The following NKAIN3 variants were observed in gnomAD, a reference collection of about 807,000 sequenced individuals.
NKAIN3 encodes the protein sodium/potassium transporting ATPase interacting 3, also known as sodium/potassium-transporting ATPase subunit beta-1-interacting protein 3.
A neutral mutation model predicts 30.2 loss-of-function variants in NKAIN3; 25 were observed. That is an observed-to-expected ratio of 0.83 (90% CI 0.60 to 1.16). The LOEUF is 1.16. Among genes scored for constraint, NKAIN3 ranks in the 50% most tolerant of loss-of-function variants. The pLI, the probability that NKAIN3 is intolerant of heterozygous loss-of-function variation, is 0.00. For synonymous variants in NKAIN3, 91 were observed against 89.6 expected, an observed-to-expected ratio of 1.02 and a Z score of -0.09; for missense variants, 225 against 254.1, an observed-to-expected ratio of 0.89 and a Z score of 0.78.
Position 62,957,350 on chromosome 8 carries a change from G to C in NKAIN3, c.603+3378G>C, listed in dbSNP as rs565912977. 3.2e-4 allele frequency among the ~76,000 whole-genome samples: 49 copies of C among 152,290 alleles called. No homozygotes were observed. In the South Asian group the frequency reaches 9.3e-3, roughly 29 times the overall value. On this transcript the variant is annotated intron_variant, in intron 6 of 6. Transcript: ENST00000623646. ...GGGGTTTCACCGTGTTAGCCAGGTT[G>C]GTCTCGATCTCCTGACCTTGTGATC...
intron 4 of NKAIN3, among the ~76,000 whole-genome samples, chr8:62,772,020 C>G (rs987163593): frequency 6.6e-6 from 1 of 152,078 alleles, no homozygotes; most frequent in Non-Finnish European, 1.5e-5. Flanking sequence ...TCCTATCTAA[C>G]TATATTTTTG....
At chr8:62,270,725 A>G (rs78572331) in intron 1 of NKAIN3, among the ~76,000 whole-genome samples, 2,719 of 152,190 alleles carry the variant, frequency 0.018, 82 homozygotes, top group African/African-American at 0.062. Flanking sequence ...ACTCCTGCCA[A>G]TCTCCAACCC....
chr8:62,331,164 C>T (rs762842821), intron 1 of NKAIN3, among the ~76,000 whole-genome samples: 18 of 148,882 alleles, frequency 1.2e-4, no homozygotes, highest in Non-Finnish European at 2.4e-4. Flanking sequence ...TCCTCCCCCC[C>T]AAAGCCCTAT....
chr8:62,383,768 A>G (rs1328333651), intron 1 of NKAIN3, among the ~76,000 whole-genome samples: 1 of 152,130 alleles, frequency 6.6e-6, no homozygotes, highest in Non-Finnish European at 1.5e-5. Context: ...TCTTATAGCA[A>G]TCCTGCACCT....
chr8:62,582,482 G>A (rs781206637), intron 2 of NKAIN3, among the ~76,000 whole-genome samples: 2 of 152,070 alleles, frequency 1.3e-5, no homozygotes, highest in African/African-American at 2.4e-5. Flanking sequence ...GCCTGTAGCC[G>A]GGCAATGGGG....
At chr8:62,445,226 G>A (rs7007335) in intron 1 of NKAIN3, among the ~76,000 whole-genome samples, 15,778 of 152,022 alleles carry the variant, frequency 0.1, 1,158 homozygotes, top group African/African-American at 0.2. Flanking sequence ...TTACAGGCAT[G>A]AGCCACCACG....
At chr8:62,991,973 C>G (rs59449320) in intron 5 of NKAIN3, among the ~76,000 whole-genome samples, 16,236 of 150,408 alleles carry the variant, frequency 0.11, 993 homozygotes, top group South Asian at 0.17. Flanking sequence ...GGCCCATACC[C>G]AGCACTGCTC....
At chr8:62,885,650 T>C (rs1361247046) in intron 4 of NKAIN3, among the ~76,000 whole-genome samples, 2 of 152,190 alleles carry the variant, frequency 1.3e-5, no homozygotes, top group Admixed American at 6.5e-5. Flanking sequence ...GCCTCACATA[T>C]GTTGATGCTC....
In NKAIN3 at chr8:62,981,897, A is replaced by G. The variant is rs1263526931; in HGVS notation, c.*16490A>G. Reference sequence around the variant, plus strand: ...CTCTTTAACCCTTTGTTTAAATCCTATTAACTCTTAACGATACACAGTTCG... The same window carrying G: ...CTCTTTAACCCTTTGTTTAAATCCTGTTAACTCTTAACGATACACAGTTCG... On this transcript the variant is annotated 3_prime_UTR_variant, in exon 7 of 7. Coordinates refer to ENST00000623646, the MANE Select transcript of NKAIN3 (RefSeq NM_001304533.3). 1 of 152,170 alleles carries G rather than the reference A, an allele frequency of 6.6e-6. No individual in the cohort carries two copies. Among genetic ancestry groups the G allele is most frequent in the Non-Finnish European group, 1.5e-5 (1 of 68,008 alleles). 9.4% of individuals were successfully genotyped at this position (152,170 alleles called of 1,614,324 possible).
chr8:62,590,168 A>G (rs1810610224), intron 3 of NKAIN3, among the ~76,000 whole-genome samples: 2 of 151,870 alleles, frequency 1.3e-5, no homozygotes, highest in South Asian at 4.1e-4. Context: ...AGGAAAAGGG[A>G]TTGATGAAGA....
chr8:62,930,591 C>T (rs922805362), intron 5 of NKAIN3, among the ~76,000 whole-genome samples: 1 of 151,990 alleles, frequency 6.6e-6, no homozygotes, highest in Non-Finnish European at 1.5e-5. Context: ...TTTGTCTATT[C>T]TAATTACCTC....
chr8:62,391,873 A>G (rs1038243060), intron 1 of NKAIN3, among the ~76,000 whole-genome samples: 1 of 151,368 alleles, frequency 6.6e-6, no homozygotes, highest in African/African-American at 2.4e-5. Context: ...TATACAGAGC[A>G]TCAAAAATGT....
chr8:62,853,213 C>T (rs146039999), intron 4 of NKAIN3, among the ~76,000 whole-genome samples: 3,957 of 152,190 alleles, frequency 0.026, 164 homozygotes, highest in African/African-American at 0.09. Flanking sequence ...ATGTAATGGC[C>T]TTCTTTGTCT....
At chr8:62,499,225 G>T (rs938618004) in intron 1 of NKAIN3, among the ~76,000 whole-genome samples, 2 of 152,140 alleles carry the variant, frequency 1.3e-5, no homozygotes, top group Non-Finnish European at 2.9e-5. Flanking sequence ...CTTGGTAAAA[G>T]CTAGCTGCAA....
chr8:62,834,280 C>T (rs1819289862), intron 4 of NKAIN3, among the ~76,000 whole-genome samples: 1 of 152,040 alleles, frequency 6.6e-6, no homozygotes, highest in Non-Finnish European at 1.5e-5. Flanking sequence ...CAAAAATGCC[C>T]ACTCTCACTA....
chr8:62,702,300 T>C (rs1191629337), intron 3 of NKAIN3, among the ~76,000 whole-genome samples: 2 of 152,216 alleles, frequency 1.3e-5, no homozygotes, highest in Admixed American at 1.3e-4. Flanking sequence ...TCTAAACCAA[T>C]ATTTTTTGTA....
intron 1 of NKAIN3, among the ~76,000 whole-genome samples, chr8:62,424,461 A>G (rs1217739876): frequency 3.4e-5 from 5 of 149,246 alleles, no homozygotes; most frequent in Non-Finnish European, 7.4e-5. Context: ...AAAAAAAACA[A>G]ATAACCCACT....
intron 3 of NKAIN3, among the ~76,000 whole-genome samples, chr8:62,644,434 GTT>G (rs10706663): frequency 6.6e-6 from 1 of 151,570 alleles, no homozygotes; most frequent in Non-Finnish European, 1.5e-5. Context: ...GGCTAATAGT[GTT>G]TTTTTTAAGC....
intron 1 of NKAIN3, among the ~76,000 whole-genome samples, chr8:62,435,823 GT>G (rs1256129196): frequency 6.6e-6 from 1 of 152,104 alleles, no homozygotes; most frequent in Non-Finnish European, 1.5e-5. Context: ...GTATTCATAA[GT>G]TTTTTAAACC....
Sources: gnomAD v4.1 joint callset for allele counts (sites outside exome capture counted in the v4.1 genomes callset) on GRCh38, gnomAD v4.1.1 for gene constraint, MANE v1.5 for transcripts, NCBI Gene and HGNC (gene_info 2026-07-23, HGNC 2026-07-21) for gene names.